Variants in IL21R observed in about 807,000 individuals in gnomAD.
IL21R encodes the protein interleukin 21 receptor, also known as interleukin-21 receptor.
A neutral mutation model predicts 41.3 loss-of-function variants in IL21R; 14 were observed. The observed-to-expected ratio is 0.34, with a 90% CI of 0.22 to 0.53. The LOEUF (loss-of-function observed/expected upper bound fraction) is 0.53, where lower values mean the gene tolerates loss of function less well. Ranked by LOEUF, IL21R falls within the 20% of genes least tolerant of loss-of-function variation. The probability of loss-of-function intolerance (pLI) is 0.94; values close to 1 mark genes in which losing one functional copy is unlikely to be tolerated. For synonymous variants in IL21R, 286 were observed against 287.6 expected, an observed-to-expected ratio of 0.99 and a Z score of 0.05; for missense variants, 588 against 681.6, an observed-to-expected ratio of 0.86 and a Z score of 1.53.
rs1437173305 is a variant in IL21R, at chr16:27,451,265, C to T, written c.*1982C>T. On this transcript the variant is annotated 3_prime_UTR_variant, in exon 9 of 9. Transcript: ENST00000337929. ...ACAGGCTCCCAGGAAAGCAGCACAG[C>T]TCTCCTGCACCCAGAGCTTGCTGGG... The T allele has an allele frequency of 8.7e-6, 2 of 230,392 alleles. No individual in the cohort carries two copies. The allele number at this position is 230,392 out of a possible 1,614,324, so 14.3% of individuals were successfully genotyped here. A position where few individuals can be genotyped will look rare whatever the true frequency, so the allele number is the denominator to read the frequency against.
intron 1 of IL21R, among the ~76,000 whole-genome samples, chr16:27,408,123 G>A (rs1341670106): frequency 6.6e-6 from 1 of 152,204 alleles, no homozygotes; most frequent in Non-Finnish European, 1.5e-5. Flanking sequence ...CCTAGATGGT[G>A]CCCAGAATAT....
chr16:27,440,279 A>AGAGAGAGAGAGAGAGAGAGAGAGC (rs1567370043), intron 4 of IL21R, among the ~76,000 whole-genome samples: 11 of 131,884 alleles, frequency 8.3e-5, no homozygotes, highest in African/African-American at 3.4e-4. Flanking sequence ...AGAGAGAGAG[A>AGAGAGAGAGAGAGAGAGAGAGAGC]GCGAGCAAGC....
At chr16:27,421,434 G>T (rs1236567095) in intron 1 of IL21R, among the ~76,000 whole-genome samples, 1 of 147,136 alleles carries the variant, frequency 6.8e-6, no homozygotes, top group African/African-American at 2.5e-5. Flanking sequence ...ATAACATTAA[G>T]TTTTCCAATC....
At chr16:27,435,372 C>T (rs1466947438) in intron 3 of IL21R, among the ~76,000 whole-genome samples, 1 of 152,188 alleles carries the variant, frequency 6.6e-6, no homozygotes, top group Non-Finnish European at 1.5e-5. Flanking sequence ...AACTGACGTA[C>T]CACGGTGGGG....
At chr16:27,429,995 G>T (rs1362610717) in intron 1 of IL21R, 61 bp from the exon 2 acceptor site, 2 of 1,409,116 alleles carry the variant, frequency 1.4e-6, no homozygotes, top group Middle Eastern at 1.8e-4. Flanking sequence ...GACAGGATGA[G>T]GGGGAGGCCG....
At chr16:27,437,113 CA>C (rs1395233673) in intron 3 of IL21R, among the ~76,000 whole-genome samples, 4 of 152,082 alleles carry the variant, frequency 2.6e-5, no homozygotes, top group Non-Finnish European at 5.9e-5. Context: ...GAAGGAAACC[CA>C]AAATGCCTAG....
At chr16:27,443,246 C>A in intron 5 of IL21R, 130 bp downstream of exon 5, 1 of 725,932 alleles carries the variant, frequency 1.4e-6, no homozygotes, top group Non-Finnish European at 2.1e-6. Flanking sequence ...AGGGCACGAG[C>A]ACTCCCTTAC....
At position 27,419,958 on chromosome 16, in the gene IL21R, G is replaced by A. The variant is rs112680984; in HGVS notation, c.-16-10098G>A. Reference sequence around the variant, plus strand: ...GGCTGGAGTGCAGTGGCGCAATCTCGGCTCACTGCTACCTCTGCCTCCCCA... The same window carrying A: ...GGCTGGAGTGCAGTGGCGCAATCTCAGCTCACTGCTACCTCTGCCTCCCCA... On this transcript the variant is annotated intron_variant, in intron 1 of 8. Transcript: ENST00000337929. 4.7e-4 allele frequency among the ~76,000 whole-genome samples: 70 copies of A among 148,880 alleles called. No individual in the cohort carries two copies. The East Asian group carries it at 8.7e-3, about 18-fold the overall frequency.
Position 27,444,594 on chromosome 16 carries a change from C to A in IL21R, c.560C>A (p.Pro187His). The change falls in exon 6 of 9, where the codon CCC (proline) becomes CAC (histidine). Residue 187 changes from proline (P) to histidine (H), a missense_variant. Physicochemically the swap from Pro to His is moderately conservative, Grantham distance 77. Coordinates refer to ENST00000337929, the MANE Select transcript of IL21R (RefSeq NM_181078.3). ...SVDSRSVSLL[P>H]LEFRKDSSYE... ...GACTCAAGAAGTGTCTCCCTCCTCC[C>A]CCTGGAGTTCCGCAAAGACTCGAGC... The A allele has an allele frequency of 6.3e-7, 1 of 1,577,386 alleles. No homozygotes were observed. Among genetic ancestry groups the A allele is most frequent in the Non-Finnish European group, 8.6e-7 (1 of 1,162,308 alleles).
intron 5 of IL21R, 30 bp from the exon 6 acceptor site, chr16:27,444,512 A>T: frequency 6.9e-7 from 1 of 1,443,510 alleles, no homozygotes. Flanking sequence ...TTTAACCCTG[A>T]CCTGGTGCAT....
intron 1 of IL21R, among the ~76,000 whole-genome samples, chr16:27,421,501 A>T (rs1257793379): frequency 2.0e-5 from 3 of 152,058 alleles, no homozygotes; most frequent in Admixed American, 6.5e-5. Flanking sequence ...TTTCAATAAC[A>T]TTTGTAGGTT....
intron 1 of IL21R, among the ~76,000 whole-genome samples, chr16:27,420,246 A>G (rs1352081253): frequency 6.6e-6 from 1 of 152,218 alleles, no homozygotes; most frequent in Non-Finnish European, 1.5e-5. Flanking sequence ...TTCCACCAGC[A>G]TCATCACAAG....
Position 27,449,588 on chromosome 16 carries a change from T to C in IL21R, c.*305T>C, listed in dbSNP as rs2141321427. 1 of 441,930 alleles carries C rather than the reference T, an allele frequency of 2.3e-6. No homozygotes were observed. 27.4% of individuals were successfully genotyped at this position (441,930 alleles called of 1,614,324 possible). Reference sequence around the variant, plus strand: ...TCACCTGCCCTGTGCATGTCTGGACTCACGGAGCTCACCCATGTGCACAAG... The same window carrying C: ...TCACCTGCCCTGTGCATGTCTGGACCCACGGAGCTCACCCATGTGCACAAG... On this transcript the variant is annotated 3_prime_UTR_variant, in exon 9 of 9. Coordinates refer to ENST00000337929, the MANE Select transcript of IL21R (RefSeq NM_181078.3).
At chr16:27,439,503 T>G (rs991227851) in intron 4 of IL21R, among the ~76,000 whole-genome samples, 12 of 150,150 alleles carry the variant, frequency 8.0e-5, no homozygotes, top group African/African-American at 2.5e-4. Flanking sequence ...CACACACATA[T>G]ACACTTTCTC....
At chr16:27,440,814 G>A (rs983947523) in intron 4 of IL21R, among the ~76,000 whole-genome samples, 2 of 152,114 alleles carry the variant, frequency 1.3e-5, no homozygotes, top group Non-Finnish European at 2.9e-5. Context: ...ACTTTGGGAG[G>A]TTGAGGTGGG....
chr16:27,418,088 A>T (rs1422895215), intron 1 of IL21R, among the ~76,000 whole-genome samples: 1 of 139,674 alleles, frequency 7.2e-6, no homozygotes, highest in Admixed American at 7.2e-5. Flanking sequence ...TATTTTATTT[A>T]AGACGGAGGT....
At chr16:27,448,353 G>C in intron 8 of IL21R, 181 bp from the exon 9 acceptor site, 1 of 632,736 alleles carries the variant, frequency 1.6e-6, no homozygotes, top group Non-Finnish European at 2.6e-6. Context: ...TACTTGGGAG[G>C]CTGAGGCAGG....
At chr16:27,425,279 A>G (rs1376159867) in intron 1 of IL21R, among the ~76,000 whole-genome samples, 1 of 152,218 alleles carries the variant, frequency 6.6e-6, no homozygotes, top group African/African-American at 2.4e-5. Flanking sequence ...GCAAAGACCC[A>G]AAAGGGGATG....
In IL21R at chr16:27,435,187, C is replaced by T. The variant is rs541657157; in HGVS notation, c.152+738C>T. 2.6e-5 allele frequency among the ~76,000 whole-genome samples: 4 copies of T among 151,988 alleles called. No individual in the cohort carries two copies. In the South Asian group the frequency reaches 6.2e-4, roughly 24 times the overall value. On this transcript the variant is annotated intron_variant, in intron 3 of 8. Coordinates refer to ENST00000337929, the MANE Select transcript of IL21R (RefSeq NM_181078.3). ...GGCAGGGGGACCAAGCTCAGGAGGT[C>T]GAGGCTGCAGTGAGCTATGATCACG...
Sources: gnomAD v4.1 joint callset for allele counts (sites outside exome capture counted in the v4.1 genomes callset) on GRCh38, gnomAD v4.1.1 for gene constraint, MANE v1.5 for transcripts, NCBI Gene and HGNC (gene_info 2026-07-23, HGNC 2026-07-21) for gene names.